RASA3: variants seen among roughly 807,000 people sequenced by gnomAD.
RASA3 encodes ras GTPase-activating protein 3.
A neutral mutation model predicts 110.0 loss-of-function variants in RASA3; 73 were observed. That is an observed-to-expected ratio of 0.66 (90% CI 0.55 to 0.81). The LOEUF is 0.81. Ranked by LOEUF, RASA3 falls within the 30% of genes least tolerant of loss-of-function variation. The pLI, the probability that RASA3 is intolerant of heterozygous loss-of-function variation, is 0.00. For missense variants in RASA3, 976 were observed against 1,113.2 expected, an observed-to-expected ratio of 0.88 and a Z score of 1.75; for synonymous variants, 500 against 451.4, an observed-to-expected ratio of 1.11 and a Z score of -1.37.
chr13:114,068,568 C>G (rs532914554), intron 2 of RASA3, among the ~76,000 whole-genome samples: 1 of 152,328 alleles, frequency 6.6e-6, no homozygotes, highest in Non-Finnish European at 1.5e-5. Context: ...GCAGCGCAGC[C>G]TTGGGGAGCG....
At chr13:114,030,461 C>A in intron 4 of RASA3, among the ~76,000 whole-genome samples, 1 of 110,790 alleles carries the variant, frequency 9.0e-6, no homozygotes, top group African/African-American at 3.2e-5. Context: ...AAGGCTCACA[C>A]AGAGGGCAAG....
chr13:114,055,513 C>T (rs865802393), intron 2 of RASA3, among the ~76,000 whole-genome samples: 6 of 152,236 alleles, frequency 3.9e-5, no homozygotes, highest in Admixed American at 1.3e-4. Context: ...GGACACCAGA[C>T]GTGCATTTTA....
At chr13:113,993,889 G>C (rs1002889526) in intron 21 of RASA3, among the ~76,000 whole-genome samples, 6 of 150,412 alleles carry the variant, frequency 4.0e-5, no homozygotes, top group African/African-American at 1.5e-4. Flanking sequence ...TTCAGACAAA[G>C]TGGCCTCACG....
At position 114,117,769 on chromosome 13, in the gene RASA3, A is replaced by AT. The variant is rs2080312194; in HGVS notation, c.55+14665_55+14666insA. On this transcript the variant is annotated intron_variant, in intron 1 of 23. Transcript: ENST00000334062. ...TGTGTGAGGGATGCACGTGTGTGAGAGCACGTGTGTGAGGAGAGCACGTGT... is the reference window on the plus strand; with the variant it reads ...TGTGTGAGGGATGCACGTGTGTGAGATGCACGTGTGTGAGGAGAGCACGTGT... Among the ~76,000 whole-genome samples the AT allele has an allele frequency of 4.7e-3, 263 of 55,954 alleles. 1 individual carries two copies. The highest frequency in any genetic ancestry group is 9.4e-3 in the African/African-American group (159 of 17,000). The allele number at this position is 55,954 out of a possible 152,430, so 36.7% of individuals were successfully genotyped here.
At chr13:114,044,671 G>A (rs922311207) in intron 3 of RASA3, among the ~76,000 whole-genome samples, 2 of 148,264 alleles carry the variant, frequency 1.3e-5, no homozygotes, top group East Asian at 2.0e-4. Flanking sequence ...ACGAACCTCA[G>A]TTTTGAGTCT....
At chr13:114,028,564 G>C (rs1044689060) in intron 5 of RASA3, among the ~76,000 whole-genome samples, 1 of 146,834 alleles carries the variant, frequency 6.8e-6, no homozygotes, top group Non-Finnish European at 1.5e-5. Context: ...CCTGGAAGGG[G>C]GCCAGAACTT....
At chr13:114,113,132 G>A (rs755081164) in intron 1 of RASA3, among the ~76,000 whole-genome samples, 1 of 152,206 alleles carries the variant, frequency 6.6e-6, no homozygotes, top group African/African-American at 2.4e-5. Context: ...CAAGTCCAGA[G>A]CCCAACAGCT....
chr13:114,122,675 G>T (rs563056121), intron 1 of RASA3, among the ~76,000 whole-genome samples: 1 of 143,988 alleles, frequency 6.9e-6, no homozygotes, highest in Non-Finnish European at 1.5e-5. Context: ...GAAGCAGAGG[G>T]CACAGCATTC....
intron 1 of RASA3, among the ~76,000 whole-genome samples, chr13:114,100,531 G>A (rs527477154): frequency 3.3e-4 from 50 of 152,334 alleles, no homozygotes; most frequent in African/African-American, 8.9e-4. Context: ...CCTGCGCTGC[G>A]CCCCACGGCT....
chr13:114,001,898 A>G (rs2053413293), intron 18 of RASA3, among the ~76,000 whole-genome samples: 1 of 152,234 alleles, frequency 6.6e-6, no homozygotes, highest in Non-Finnish European at 1.5e-5. Flanking sequence ...CTGTGGTAGA[A>G]GGCGCCACTG....
intron 1 of RASA3, among the ~76,000 whole-genome samples, chr13:114,121,491 C>A (rs1010113923): frequency 6.6e-6 from 1 of 152,196 alleles, no homozygotes; most frequent in Non-Finnish European, 1.5e-5. Flanking sequence ...CAACACTGCA[C>A]ATCAAGCCGT....
chr13:114,105,880 C>T (rs1457686477), intron 1 of RASA3, among the ~76,000 whole-genome samples: 1 of 152,190 alleles, frequency 6.6e-6, no homozygotes, highest in Admixed American at 6.5e-5. Flanking sequence ...GTAAGCTACA[C>T]AGTGGGGGAA....
chr13:114,029,724 G>A, intron 5 of RASA3, 87 bp downstream of exon 5: 2 of 1,234,482 alleles, frequency 1.6e-6, no homozygotes, highest in East Asian at 2.5e-5. Flanking sequence ...AAATTCTTGT[G>A]CGTTGGTGTG....
At chr13:114,072,022 A>G (rs576398015) in intron 2 of RASA3, among the ~76,000 whole-genome samples, 1 of 152,204 alleles carries the variant, frequency 6.6e-6, no homozygotes, top group African/African-American at 2.4e-5. Context: ...CTGATCCCCA[A>G]GCCGCTCCTT....
Position 114,041,042 on chromosome 13 carries a change from G to C in RASA3, c.330C>G (p.Thr110=). 1 of 1,613,854 alleles carries C rather than the reference G, an allele frequency of 6.2e-7. No homozygotes were observed. Among genetic ancestry groups the C allele is most frequent in the Non-Finnish European group, 8.5e-7 (1 of 1,180,030 alleles). The change falls in exon 4 of 24, where the codon ACC becomes ACG. Residue 110 remains threonine (T), a synonymous_variant. Coordinates refer to ENST00000334062, the MANE Select transcript of RASA3 (RefSeq NM_007368.4). ...CGTCCACGTGCTGCAGCTGGAACCA[G>C]GTGTCCCTGTTGTGGTACTTCTGCA... The part of the protein sequence containing the change: ...EDLQKYHNRD[T]WFQLQHVDAD...
At position 114,029,269 on chromosome 13, in the gene RASA3, G is replaced by A. The variant is rs375904041; in HGVS notation, c.449+542C>T. ...ATCCTGGGGCCAGGACCTCTAAAACGGCATCATCCTGGGGCCAGGACCTCT... is the reference window on the plus strand; with the variant it reads ...ATCCTGGGGCCAGGACCTCTAAAACAGCATCATCCTGGGGCCAGGACCTCT... On this transcript the variant is annotated intron_variant, in intron 5 of 23. Coordinates refer to ENST00000334062, the MANE Select transcript of RASA3 (RefSeq NM_007368.4). 8.2e-4 allele frequency among the ~76,000 whole-genome samples: 10 copies of A among 12,244 alleles called. 3 individuals carry two copies. In the South Asian group the frequency reaches 0.051, roughly 62 times the overall value. The allele number at this position is 12,244 out of a possible 152,430, so 8.0% of individuals were successfully genotyped here. A position where few individuals can be genotyped will look rare whatever the true frequency, so the allele number is the denominator to read the frequency against.
Position 114,018,458 on chromosome 13 carries a change from C to T in RASA3, c.943-206G>A, listed in dbSNP as rs547202905. Reference sequence around the variant, plus strand: ...GAGGGGCATCTGCACCTCCTTCTAGCGACCCCCCCATGCAGCCAGCTCTAG... The same window carrying T: ...GAGGGGCATCTGCACCTCCTTCTAGTGACCCCCCCATGCAGCCAGCTCTAG... On this transcript the variant is annotated intron_variant, in intron 10 of 23. Coordinates refer to ENST00000334062, the MANE Select transcript of RASA3 (RefSeq NM_007368.4). Among the ~76,000 whole-genome samples the T allele has an allele frequency of 8.5e-5, 13 of 152,302 alleles. No homozygotes were observed. In the South Asian group the frequency reaches 1.5e-3, roughly 17 times the overall value.
At chr13:114,017,733 G>C (rs989419538) in intron 11 of RASA3, among the ~76,000 whole-genome samples, 2 of 152,204 alleles carry the variant, frequency 1.3e-5, no homozygotes, top group African/African-American at 4.8e-5. Flanking sequence ...GTGGCTGCAG[G>C]TGCAGCCAGA....
At position 114,048,270 on chromosome 13, in the gene RASA3, G is replaced by A. The variant is rs1186904930; in HGVS notation, c.277+3782C>T. Among the ~76,000 whole-genome samples the A allele has an allele frequency of 2.6e-5, 4 of 151,156 alleles. No homozygotes were observed. The highest frequency in any genetic ancestry group is 5.9e-5 in the Non-Finnish European group (4 of 67,780). On this transcript the variant is annotated intron_variant, in intron 3 of 23. Transcript: ENST00000334062. This position sits in a 1 kb window ranked among gnomAD's most constrained non-coding sequence, Gnocchi z 4.3. The stretch of plus-strand genomic sequence containing the variant: ...GTGGAGGTTGCAGTGAGCCGAGATC[G>A]CGCCACTGCCCTCCAGCCTGGGCGA...
Sources: allele counts gnomAD v4.1 joint callset (sites outside exome capture counted in the v4.1 genomes callset), GRCh38; gene constraint gnomAD v4.1.1; non-coding constraint Gnocchi (gnomAD v3.1); transcripts MANE v1.5; gene names NCBI Gene and HGNC (gene_info 2026-07-23, HGNC 2026-07-21).